PON1: variants seen among roughly 807,000 people sequenced by gnomAD.
The protein encoded by PON1 is serum paraoxonase/arylesterase 1.
PON1 carries 37 observed loss-of-function variants against 39.2 expected under a neutral mutation model. That is an observed-to-expected ratio of 0.94 (90% CI 0.73 to 1.24). The LOEUF is 1.24. Among genes scored for constraint, PON1 ranks in the 50% most tolerant of loss-of-function variants. The pLI is 0.00. For missense variants in PON1, 397 were observed against 413.5 expected (o/e 0.96, Z 0.35); for synonymous variants, 148 against 152.2 (o/e 0.97, Z 0.21).
At chr7:95,318,741 A>G (rs553096587) in intron 1 of PON1, among the ~76,000 whole-genome samples, 7 of 152,298 alleles carry the variant, frequency 4.6e-5, no homozygotes, top group African/African-American at 1.7e-4. Context: ...AGTTTATTCC[A>G]TTGATGTTTT....
At chr7:95,314,174 C>T (rs1166374599) in intron 4 of PON1, among the ~76,000 whole-genome samples, 1 of 152,042 alleles carries the variant, frequency 6.6e-6, no homozygotes, top group Non-Finnish European at 1.5e-5. Context: ...GCCTGGGCAA[C>T]ATGGTGAAAC....
At chr7:95,304,367 T>C (rs1011711200) in intron 7 of PON1, among the ~76,000 whole-genome samples, 1 of 149,860 alleles carries the variant, frequency 6.7e-6, no homozygotes, top group East Asian at 1.9e-4. Context: ...CGTTTTGCTC[T>C]TGTTGCCCAG....
At chr7:95,302,614 G>C (rs759607047) in intron 7 of PON1, among the ~76,000 whole-genome samples, 1 of 150,816 alleles carries the variant, frequency 6.6e-6, no homozygotes, top group Non-Finnish European at 1.5e-5. Flanking sequence ...ACCAACATCT[G>C]TGCATGAACC....
Position 95,304,522 on chromosome 7 carries a change from C to T in PON1, c.780+1763G>A, listed in dbSNP as rs192299104. The stretch of plus-strand genomic sequence containing the variant: ...TAATTTTTTGTACCTTTAGTAGAGA[C>T]GGGGTTTCACCATATTGGCCAGGCT... On this transcript the variant is annotated intron_variant, in intron 7 of 8. Transcript: ENST00000222381. 4.3e-3 allele frequency among the ~76,000 whole-genome samples: 646 copies of T among 151,868 alleles called. 12 individuals carry two copies. The highest frequency in any genetic ancestry group is 7.8e-4 in the East Asian group (4 of 5,132).
At chr7:95,303,151 A>G (rs918936204) in intron 7 of PON1, among the ~76,000 whole-genome samples, 1 of 152,124 alleles carries the variant, frequency 6.6e-6, no homozygotes, top group African/African-American at 2.4e-5. Flanking sequence ...ACTGGTCATG[A>G]CTCATTGAAA....
Position 95,298,862 on chromosome 7 carries a change from C to G in PON1, c.*82G>C, listed in dbSNP as rs1807350181. 3 of 1,537,918 alleles carry G rather than the reference C, an allele frequency of 2.0e-6. No homozygotes were observed. In the African/African-American group the frequency reaches 4.1e-5, roughly 21 times the overall value. On this transcript the variant is annotated 3_prime_UTR_variant, in exon 9 of 9. Coordinates refer to ENST00000222381, the MANE Select transcript of PON1 (RefSeq NM_000446.7). ...TTTAGGGTCAGCATTCATTGTTCAGCTAAGAACACTGGGTCCTCGGAATAT... is the reference window on the plus strand; with the variant it reads ...TTTAGGGTCAGCATTCATTGTTCAGGTAAGAACACTGGGTCCTCGGAATAT...
intron 4 of PON1, among the ~76,000 whole-genome samples, chr7:95,314,267 G>A (rs893901109): frequency 6.6e-6 from 1 of 152,102 alleles, no homozygotes. Context: ...GGCTGAGGCA[G>A]GAGAATTGCT....
At chr7:95,299,190 C>T (rs1169202888) in intron 8 of PON1, 88 bp from the exon 9 acceptor site, 13 of 1,319,186 alleles carry the variant, frequency 9.9e-6, no homozygotes, top group African/African-American at 1.4e-5. Flanking sequence ...CATAAGAAGC[C>T]ATATAATCTT....
intron 2 of PON1, among the ~76,000 whole-genome samples, chr7:95,317,203 T>C (rs578017090): frequency 6.6e-6 from 1 of 152,286 alleles, no homozygotes; most frequent in South Asian, 2.1e-4. Flanking sequence ...TGGAAAGCCA[T>C]ATTGAAGATA....
intron 1 of PON1, among the ~76,000 whole-genome samples, chr7:95,320,590 A>C (rs777754033): frequency 6.6e-6 from 1 of 152,242 alleles, no homozygotes; most frequent in Non-Finnish European, 1.5e-5. Flanking sequence ...ACAGAGTTAT[A>C]AAGTGGCTGA....
intron 6 of PON1, among the ~76,000 whole-genome samples, chr7:95,306,985 A>G (rs1204146944): frequency 6.6e-6 from 1 of 151,960 alleles, no homozygotes. Context: ...TATGATATGA[A>G]TAATTAAAAG....
At chr7:95,302,152 A>AAAAACAGT in intron 8 of PON1, 53 bp downstream of exon 8, 1 of 1,432,230 alleles carries the variant, frequency 7.0e-7, no homozygotes. Flanking sequence ...TGTCAACTGA[A>AAAAACAGT]AAAACAGTAG....
intron 1 of PON1, among the ~76,000 whole-genome samples, chr7:95,322,330 A>ATGTGTGTGTGTGTGTGTG (rs3046670): frequency 8.0e-6 from 1 of 124,896 alleles, no homozygotes; most frequent in African/African-American, 3.2e-5. Flanking sequence ...AAATATATGT[A>ATGTGTGTGTGTGTGTGTG]TGTGTGTGTG....
intron 8 of PON1, among the ~76,000 whole-genome samples, 176 bp downstream of exon 8, chr7:95,302,029 G>A (rs1441266662): frequency 3.4e-5 from 5 of 145,842 alleles, no homozygotes; most frequent in Admixed American, 2.8e-4. Context: ...CCCGGGAGGC[G>A]GAGCTTGCAG....
intron 7 of PON1, among the ~76,000 whole-genome samples, chr7:95,303,804 C>T (rs964384409): frequency 1.3e-5 from 2 of 152,176 alleles, no homozygotes; most frequent in Non-Finnish European, 2.9e-5. Context: ...TCGAAAAATT[C>T]GCATTCCTTG....
chr7:95,309,981 G>C (rs1302530526), intron 5 of PON1, among the ~76,000 whole-genome samples: 2 of 152,068 alleles, frequency 1.3e-5, no homozygotes, highest in Non-Finnish European at 2.9e-5. Flanking sequence ...CAATATTTTT[G>C]CAACTGGCTC....
In PON1 at chr7:95,301,280, A is replaced by G. The variant is rs556090101; in HGVS notation, c.909+925T>C. On this transcript the variant is annotated intron_variant, in intron 8 of 8. Coordinates refer to ENST00000222381, the MANE Select transcript of PON1 (RefSeq NM_000446.7). ...CTTTGAGTACTGTAACTAAGGTGGA[A>G]GATGAGATCTTCTAAGCCAGAATAA... Among the ~76,000 whole-genome samples the G allele has an allele frequency of 2.0e-5, 3 of 152,328 alleles. No individual in the cohort carries two copies. The South Asian group carries it at 6.2e-4, about 32-fold the overall frequency.
intron 1 of PON1, among the ~76,000 whole-genome samples, chr7:95,321,165 G>C (rs1032281782): frequency 1.3e-5 from 2 of 152,128 alleles, no homozygotes; most frequent in African/African-American, 4.8e-5. Context: ...GAAATGAATA[G>C]AGTGAGAATT....
At chr7:95,301,413 G>C (rs756741537) in intron 8 of PON1, among the ~76,000 whole-genome samples, 1 of 152,122 alleles carries the variant, frequency 6.6e-6, no homozygotes, top group Non-Finnish European at 1.5e-5. Flanking sequence ...ACACAGGAAG[G>C]GGGAGTTGAA....
Sources: allele counts gnomAD v4.1 joint callset (sites outside exome capture counted in the v4.1 genomes callset), GRCh38; gene constraint gnomAD v4.1.1; transcripts MANE v1.5; gene names NCBI Gene and HGNC (gene_info 2026-07-23, HGNC 2026-07-21).